ACACB: variants seen among roughly 807,000 people sequenced by gnomAD.
ACACB encodes acetyl-CoA carboxylase beta.
A neutral mutation model predicts 278.8 loss-of-function variants in ACACB; 209 were observed. The ratio of observed to expected loss-of-function variants is 0.75; its 90% CI spans 0.67 to 0.84. ACACB has a LOEUF of 0.84. ACACB is among the 40% of genes least tolerant of loss of function. ACACB has a pLI of 0.00. For missense variants in ACACB, 2,850 were observed against 3,269.0 expected, an observed-to-expected ratio of 0.87 and a Z score of 3.13; for synonymous variants, 1,174 against 1,285.6, an observed-to-expected ratio of 0.91 and a Z score of 1.86.
chr12:109,252,969 G>T (rs749699376), intron 42 of ACACB, 46 bp from the exon 43 acceptor site: 3 of 1,527,098 alleles, frequency 2.0e-6, no homozygotes, highest in South Asian at 1.3e-5. Context: ...AGGTGGTAGA[G>T]CCCTGCACCG....
intron 2 of ACACB, among the ~76,000 whole-genome samples, chr12:109,152,640 C>CTTTTTTTTTTTTTTT (rs34863094): frequency 1.3e-5 from 1 of 74,840 alleles, no homozygotes; most frequent in Non-Finnish European, 2.5e-5. Context: ...TTCTTTCTTT[C>CTTTTTTTTTTTTTTT]TTTTTTTTTT....
rs1352830471 is a variant in ACACB at position 109,223,434 on chromosome 12, C to T, written c.3793-381C>T. ...AAGCATGACTTCTGCCTGCTCCCAC[C>T]GCCCCCACTCATCAGACTGGTGATT... On this transcript the variant is annotated intron_variant, in intron 26 of 52. Transcript: ENST00000338432. 3.3e-5 allele frequency among the ~76,000 whole-genome samples: 5 copies of T among 152,126 alleles called. No homozygotes were observed. In the South Asian group the frequency reaches 6.2e-4, roughly 19 times the overall value.
intron 2 of ACACB, among the ~76,000 whole-genome samples, chr12:109,165,470 T>A (rs529440343): frequency 6.6e-6 from 1 of 152,308 alleles, no homozygotes; most frequent in African/African-American, 2.4e-5. Flanking sequence ...ATTACAGGTA[T>A]GAGCCACTGC....
chr12:109,166,180 A>G (rs147711844), intron 2 of ACACB, among the ~76,000 whole-genome samples: 7 of 152,266 alleles, frequency 4.6e-5, no homozygotes, highest in East Asian at 3.9e-4. Flanking sequence ...TATTAATACC[A>G]TGTAACAAGT....
At chr12:109,153,734 C>T (rs544262705) in intron 2 of ACACB, among the ~76,000 whole-genome samples, 1 of 152,314 alleles carries the variant, frequency 6.6e-6, no homozygotes, top group Admixed American at 6.5e-5. Flanking sequence ...GCCATCTGGG[C>T]TCACTTCAAC....
At chr12:109,205,840 G>A (rs2268388) in intron 19 of ACACB, among the ~76,000 whole-genome samples, 21,407 of 152,006 alleles carry the variant, frequency 0.14, 1,593 homozygotes, top group East Asian at 0.22. Context: ...GGCAGGAAAC[G>A]GAGTGTTCTC....
chr12:109,137,582 C>A (rs185824263), intron 1 of ACACB, among the ~76,000 whole-genome samples: 3 of 151,864 alleles, frequency 2.0e-5, no homozygotes, highest in Admixed American at 2.0e-4. Flanking sequence ...ATCTCTTGAA[C>A]CCAGGAGGCA....
At chr12:109,210,005 G>GTGTGTATATATGTGTATA (rs2045667014) in intron 21 of ACACB, among the ~76,000 whole-genome samples, 1 of 63,166 alleles carries the variant, frequency 1.6e-5, no homozygotes, top group Non-Finnish European at 3.1e-5. Context: ...ATGTGTATAT[G>GTGTGTATATATGTGTATA]TGTATATATA....
intron 24 of ACACB, among the ~76,000 whole-genome samples, chr12:109,222,048 C>T (rs1230164301): frequency 6.6e-6 from 1 of 151,696 alleles, no homozygotes; most frequent in Non-Finnish European, 1.5e-5. Flanking sequence ...CCACCATGCC[C>T]GGCTAATTTT....
chr12:109,241,138 G>A lies in ACACB; in HGVS notation c.4879G>A (p.Val1627Met). The A allele has an allele frequency of 6.2e-7, 1 of 1,614,158 alleles. No individual in the cohort carries two copies. ...CGGCAGCCGGCTGTGGAAACTCCGT[G>A]TGCTACAGGCTGAGGTCAAGATCAA... ...RYGSRLWKLRVLQAEVKINIR... is the reference protein window; with the variant it reads ...RYGSRLWKLRMLQAEVKINIR... The change falls in exon 36 of 53, where the codon GTG (valine) becomes ATG (methionine). Residue 1627 changes from valine to methionine, a missense_variant. By Grantham distance (21) the Val-to-Met change is conservative (BLOSUM62 1). Coordinates refer to ENST00000338432, the MANE Select transcript of ACACB (RefSeq NM_001093.4).
intron 18 of ACACB, among the ~76,000 whole-genome samples, chr12:109,199,845 C>G (rs1465654599): frequency 6.6e-6 from 1 of 151,910 alleles, no homozygotes; most frequent in Non-Finnish European, 1.5e-5. Flanking sequence ...AACCCCGTCT[C>G]TACTAAAAAT....
At chr12:109,183,473 G>C (rs1346115579) in intron 11 of ACACB, among the ~76,000 whole-genome samples, 1 of 151,886 alleles carries the variant, frequency 6.6e-6, no homozygotes, top group African/African-American at 2.4e-5. Flanking sequence ...AGTGTTTTAT[G>C]CTTTTTATTA....
At chr12:109,113,141 C>G (rs2042341523), upstream of ACACB, 1 of 152,212 alleles carries the variant, frequency 6.6e-6, no homozygotes, top group African/African-American at 2.4e-5. Flanking sequence ...AGTCTGCAGA[C>G]CCCTGTGTGT....
intron 27 of ACACB, among the ~76,000 whole-genome samples, chr12:109,224,410 A>G (rs1258355934): frequency 2.6e-5 from 4 of 151,780 alleles, no homozygotes; most frequent in African/African-American, 9.7e-5. Flanking sequence ...AGCAAAACCC[A>G]GATTAGAGCC....
chr12:109,239,249 T>C (rs1408279583), intron 34 of ACACB, among the ~76,000 whole-genome samples: 1 of 152,146 alleles, frequency 6.6e-6, no homozygotes. Flanking sequence ...TGTTGAGGTA[T>C]GGTGAGGCCA....
chr12:109,268,026 G>A lies in ACACB; in HGVS notation c.*1664G>A, dbSNP rs1321402470. On this transcript the variant is annotated 3_prime_UTR_variant, in exon 53 of 53. Transcript: ENST00000338432. The surrounding 1 kb of genome is among the most constrained non-coding windows in gnomAD (Gnocchi z 4.2). ...GGCGGGGCAGTGAGGGGTGGGAGAA[G>A]GTGAATGATTCATTATTCCACCCCG... is the stretch of plus-strand genomic sequence containing the variant. 6.6e-6 allele frequency: 1 copy of A among 152,138 alleles called. No individual in the cohort carries two copies. The highest frequency in any genetic ancestry group is 6.5e-5 in the Admixed American group (1 of 15,270). The allele number at this position is 152,138 out of a possible 1,614,324, so 9.4% of individuals were successfully genotyped here. A position where few individuals can be genotyped will look rare whatever the true frequency, so the allele number is the denominator to read the frequency against.
Position 109,233,811 on chromosome 12 carries a change from G to A in ACACB, c.4203G>A (p.Glu1401=). ...CCAAAGACACCCCCCTCTTCAGCGA[G>A]GCCCGCACCTCCCTATACTCCGAGG... is the stretch of plus-strand genomic sequence containing the variant. The part of the protein sequence containing the change: ...NVPKDTPLFS[E]ARTSLYSEDD... Residue 1401 remains glutamate (E), a synonymous_variant, in exon 30 of 53, where the codon GAG becomes GAA. Coordinates refer to ENST00000338432, the MANE Select transcript of ACACB (RefSeq NM_001093.4). The A allele has an allele frequency of 6.2e-7, 1 of 1,614,158 alleles. No individual in the cohort carries two copies. The highest frequency in any genetic ancestry group is 8.5e-7 in the Non-Finnish European group (1 of 1,180,026).
chr12:109,140,058 G>A lies in ACACB; in HGVS notation c.653G>A (p.Arg218Lys). Residue 218 changes from arginine (R) to lysine (K), a missense_variant and splice_region_variant, in exon 2 of 53, where the codon AGG becomes AAG. Arg to Lys is a conservative substitution (Grantham distance 26). Coordinates refer to ENST00000338432, the MANE Select transcript of ACACB (RefSeq NM_001093.4). ...GEAETRVPTM[R>K]PSMSGLHLVK... ...GCTGAGACCCGCGTCCCCACTATGA[G>A]GTAATGTGCATTTTCTCCTTGTAAC... 1 of 1,580,144 alleles carries A rather than the reference G, an allele frequency of 6.3e-7. No individual in the cohort carries two copies. The highest frequency in any genetic ancestry group is 8.6e-7 in the Non-Finnish European group (1 of 1,168,756).
intron 19 of ACACB, among the ~76,000 whole-genome samples, chr12:109,202,163 T>G (rs937874180): frequency 2.0e-5 from 3 of 152,188 alleles, no homozygotes; most frequent in Non-Finnish European, 4.4e-5. Flanking sequence ...TCTTGACCAT[T>G]GACCACCTTT....
Sources: gnomAD v4.1 joint callset for allele counts (sites outside exome capture counted in the v4.1 genomes callset) on GRCh38, gnomAD v4.1.1 for gene constraint, Gnocchi (gnomAD v3.1) non-coding constraint, MANE v1.5 for transcripts, NCBI Gene and HGNC (gene_info 2026-07-23, HGNC 2026-07-21) for gene names.